The following GNAS variants were observed in gnomAD, a reference collection of about 807,000 sequenced individuals.
The protein encoded by GNAS is protein ALEX.
GNAS carries 8 observed loss-of-function variants against 54.5 expected under a neutral mutation model. That is an observed-to-expected ratio of 0.15 (90% CI 0.09 to 0.26). The LOEUF is 0.26. Among genes scored for constraint, GNAS ranks in the 10% least tolerant of loss-of-function variants. GNAS has a pLI of 1.00. For synonymous variants in GNAS, 204 were observed against 191.4 expected, an observed-to-expected ratio of 1.07 and a Z score of -0.54; for missense variants, 170 against 529.8, an observed-to-expected ratio of 0.32 and a Z score of 6.67.
At chr20:58,848,309 A>T (rs2086016362) in intron 1 of GNAS, among the ~76,000 whole-genome samples, 1 of 152,216 alleles carries the variant, frequency 6.6e-6, no homozygotes. Context: ...TCCAGCACAC[A>T]GCCCCTCATG....
rs76198307 is a variant in GNAS at position 58,892,161 on chromosome 20, C to T, written c.139+296C>T. 2.5e-3 allele frequency: 2,370 copies of T among 940,804 alleles called. 50 individuals carry two copies. In the African/African-American group the frequency reaches 0.04, roughly 16 times the overall value. The allele number at this position is 940,804 out of a possible 1,614,324, so 58.3% of individuals were successfully genotyped here. On this transcript the variant is annotated intron_variant, in intron 1 of 12. Coordinates refer to ENST00000371085, the MANE Select transcript of GNAS (RefSeq NM_000516.7). ...TCTCGCTCTCGCTCTCCCCCTCTTT[C>T]TCTCTTTCTCTCTTTTTCCGCGAGG...
At chr20:58,850,940 G>A (rs1452219620) in intron 1 of GNAS, 14 of 398,530 alleles carry the variant, frequency 3.5e-5, no homozygotes, top group East Asian at 2.8e-4. Context: ...CCGGTCTGAC[G>A]CCCCCTGCTC....
intron 3 of GNAS, chr20:58,899,483 TAAG>T (rs769581849): frequency 3.7e-6 from 2 of 541,046 alleles, no homozygotes. Context: ...AGCAGGTCGT[TAAG>T]AATCATCTCG....
At chr20:58,901,705 G>A (rs938521360) in intron 3 of GNAS, among the ~76,000 whole-genome samples, 1 of 152,114 alleles carries the variant, frequency 6.6e-6, no homozygotes, top group Non-Finnish European at 1.5e-5. Flanking sequence ...TCCTTCAGCA[G>A]GTGAAGGCCC....
intron 2 of GNAS, 50 bp downstream of exon 2, chr20:58,895,734 T>C (rs1405847605): frequency 1.9e-6 from 2 of 1,047,298 alleles, no homozygotes. Context: ...GAACAGACTT[T>C]ATACTAACCT....
intron 1 of GNAS, among the ~76,000 whole-genome samples, chr20:58,859,470 T>C (rs1254795844): frequency 6.6e-6 from 1 of 151,736 alleles, no homozygotes; most frequent in Non-Finnish European, 1.5e-5. Flanking sequence ...GTACTGGGAT[T>C]ACAGGCATGA....
intron 1 of GNAS, among the ~76,000 whole-genome samples, chr20:58,875,679 C>T (rs2087759932): frequency 6.6e-6 from 1 of 152,180 alleles, no homozygotes. Flanking sequence ...TGCCTGGCAG[C>T]GGGGTGCCCC....
Position 58,840,907 on chromosome 20 carries a change from C to T in GNAS, c.43+21C>T, listed in dbSNP as rs1800904. The T allele has an allele frequency of 0.036, 57,203 of 1,610,806 alleles. 1,700 individuals carry two copies. Among genetic ancestry groups the T allele is most frequent in the African/African-American group, 0.15 (11,269 of 74,916 alleles). ...TTCAGGTTAGTTGCCCACCGCTAAA[C>T]TGGGGAGCCTGAGGGCGGTGTGGGA... On this transcript the variant is annotated intron_variant, in intron 1 of 12. Coordinates refer to the GNAS transcript ENST00000306090. The surrounding 1 kb of genome is among the most constrained non-coding windows in gnomAD (Gnocchi z 6.0).
In GNAS at chr20:58,903,680, G is replaced by A; in HGVS notation, c.321G>A (p.Val107=). 6.2e-7 allele frequency: 1 copy of A among 1,614,034 alleles called. No homozygotes were observed. The highest frequency in any genetic ancestry group is 1.3e-5 in the African/African-American group (1 of 74,990). Residue 107 remains valine, a synonymous_variant, in exon 5 of 13, where the codon GTG becomes GTA. Transcript: ENST00000371085. ...TGCTAAATCATTTTCAGACCATTGT[G>A]GCCGCCATGAGCAACCTGGTGCCCC... ...NNLKEAIETI[V]AAMSNLVPPV...
At chr20:58,899,229 G>A (rs992410338) in intron 3 of GNAS, among the ~76,000 whole-genome samples, 2 of 152,208 alleles carry the variant, frequency 1.3e-5, no homozygotes, top group Non-Finnish European at 2.9e-5. Context: ...GAAAGTTATA[G>A]ATTTCAGCCT....
intron 1 of GNAS, chr20:58,852,603 T>C (rs1388686333): frequency 2.2e-5 from 4 of 178,038 alleles, no homozygotes; most frequent in South Asian, 4.0e-4. Flanking sequence ...GTCGGTTGGG[T>C]TGGGGAGGGA....
upstream of GNAS, chr20:58,840,069 C>A: frequency 6.2e-7 from 1 of 1,606,680 alleles, no homozygotes; most frequent in Non-Finnish European, 8.5e-7. This position sits in a 1 kb window ranked among gnomAD's most constrained non-coding sequence, Gnocchi z 6.0. Context: ...TCTGCAGAGC[C>A]AGAGGGCAGG....
chr20:58,845,676 C>T (rs1227897166), intron 1 of GNAS, among the ~76,000 whole-genome samples: 1 of 152,102 alleles, frequency 6.6e-6, no homozygotes, highest in Non-Finnish European at 1.5e-5. Context: ...GTTTTCTTTC[C>T]CTTGTTTAAA....
At chr20:58,892,478 A>G (rs1251157344) in intron 1 of GNAS, 2 of 136,708 alleles carry the variant, frequency 1.5e-5, no homozygotes, top group Non-Finnish European at 3.2e-5. Flanking sequence ...GGGGCTGGTG[A>G]CATCAGCCCC....
chr20:58,900,018 C>T, intron 3 of GNAS: 1 of 711,892 alleles, frequency 1.4e-6, no homozygotes, highest in Non-Finnish European at 2.6e-6. Flanking sequence ...AATTTGCATG[C>T]TGGAATTGCT....
At chr20:58,895,751 A>AGT in intron 2 of GNAS, 67 bp downstream of exon 2, 1 of 951,206 alleles carries the variant, frequency 1.1e-6, no homozygotes, top group Non-Finnish European at 1.7e-6. Context: ...ACCTTTAGGA[A>AGT]GTATAGGTGG....
intron 2 of GNAS, 94 bp from the exon 3 acceptor site, chr20:58,898,847 G>A: frequency 9.0e-7 from 1 of 1,115,532 alleles, no homozygotes; most frequent in Admixed American, 1.7e-5. Flanking sequence ...TTTGCTCTTG[G>A]CTGATGGTTG....
chr20:58,889,219 T>TGACC, upstream of GNAS: 4 of 1,020,014 alleles, frequency 3.9e-6, no homozygotes, highest in South Asian at 1.5e-5. Flanking sequence ...GTCAGGTGGC[T>TGACC]GGCCGGCGCG....
Position 58,909,803 on chromosome 20 carries a change from A to C in GNAS, c.838A>C (p.Arg280=). ...CCTCTTCAAGAGCATCTGGAACAACAGGTTTGTGGAGTGACCGCCCACCCC... is the reference window on the plus strand; with the variant it reads ...CCTCTTCAAGAGCATCTGGAACAACCGGTTTGTGGAGTGACCGCCCACCCC... The part of the protein sequence containing the change: ...LNLFKSIWNN[R]WLRTISVILF... Residue 280 remains arginine, a splice_region_variant and synonymous_variant, in exon 10 of 13, where the codon AGA becomes CGA. Coordinates refer to ENST00000371085, the MANE Select transcript of GNAS (RefSeq NM_000516.7). This position sits in a 1 kb window ranked among gnomAD's most constrained non-coding sequence, Gnocchi z 7.3. 6.2e-7 allele frequency: 1 copy of C among 1,613,394 alleles called. No homozygotes were observed. The highest frequency in any genetic ancestry group is 8.5e-7 in the Non-Finnish European group (1 of 1,180,008).
Sources: allele counts gnomAD v4.1 joint callset (sites outside exome capture counted in the v4.1 genomes callset), GRCh38; gene constraint gnomAD v4.1.1; non-coding constraint Gnocchi (gnomAD v3.1); transcripts MANE v1.5; gene names NCBI Gene and HGNC (gene_info 2026-07-23, HGNC 2026-07-21).